AZIN2: variants seen among roughly 807,000 people sequenced by gnomAD.
AZIN2 encodes the protein ODC antizyme inhibitor-2.
Under a neutral mutation model 47.8 loss-of-function variants are expected in AZIN2, and 28 were observed. The observed-to-expected ratio is 0.59, with a 90% CI of 0.43 to 0.80. The LOEUF (loss-of-function observed/expected upper bound fraction) is 0.80, where lower values mean the gene tolerates loss of function less well. Among genes scored for constraint, AZIN2 ranks in the 30% least tolerant of loss-of-function variants. AZIN2 has a pLI of 0.00. For missense variants in AZIN2, 535 were observed against 582.5 expected (o/e 0.92, Z 0.84); for synonymous variants, 221 against 239.4 (o/e 0.92, Z 0.71).
chr1:33,125,704 T>C (rs1644851545), downstream of AZIN2, among the ~76,000 whole-genome samples: 1 of 152,194 alleles, frequency 6.6e-6, no homozygotes, highest in Non-Finnish European at 1.5e-5. Context: ...CTTAGAAAGC[T>C]ATCATATTGG....
At chr1:33,128,347 A>G (rs541883636), downstream of AZIN2, among the ~76,000 whole-genome samples, 220 of 152,306 alleles carry the variant, frequency 1.4e-3, no homozygotes, top group Non-Finnish European at 2.6e-3. Context: ...ACTGCACTCC[A>G]GTTTGGGCAA....
At chr1:33,141,679 AG>A in the AZIN2 span, among the ~76,000 whole-genome samples, 33 of 152,170 alleles carry the variant, frequency 2.2e-4, no homozygotes, top group African/African-American at 7.2e-4. Context: ...ATTTCAAGGG[AG>A]GGGGGAGCAT....
chr1:33,161,499 T>C, the AZIN2 span, among the ~76,000 whole-genome samples: 3 of 152,074 alleles, frequency 2.0e-5, no homozygotes, highest in Admixed American at 6.5e-5. The surrounding 1 kb of genome is among the most constrained non-coding windows in gnomAD (Gnocchi z 4.3). Context: ...GCCTGTTCCC[T>C]CCCCGACGCG....
At chr1:33,155,110 C>T in the AZIN2 span, among the ~76,000 whole-genome samples, 90 of 143,724 alleles carry the variant, frequency 6.3e-4, no homozygotes, top group African/African-American at 2.1e-3. Context: ...CTCGCTCTGT[C>T]GCCCAGGCTG....
the AZIN2 span, among the ~76,000 whole-genome samples, chr1:33,157,658 T>C: frequency 6.6e-6 from 1 of 152,234 alleles, no homozygotes; most frequent in Non-Finnish European, 1.5e-5. Flanking sequence ...TGAACTCTTA[T>C]GTACCCTGTT....
chr1:33,086,733 C>T (rs1449186780), intron 5 of AZIN2, among the ~76,000 whole-genome samples: 1 of 152,220 alleles, frequency 6.6e-6, no homozygotes, highest in African/African-American at 2.4e-5. Flanking sequence ...CTCTCCTGTC[C>T]CAATCGCTTG....
At chr1:33,139,772 G>C in the AZIN2 span, among the ~76,000 whole-genome samples, 3 of 152,194 alleles carry the variant, frequency 2.0e-5, no homozygotes, top group African/African-American at 7.2e-5. Flanking sequence ...GCTGAGTGCT[G>C]AGGATGGGGG....
At chr1:33,119,328 TTGGAAAGATGAATC>T (rs1644709743) in intron 11 of AZIN2, 1 of 153,452 alleles carries the variant, frequency 6.5e-6, no homozygotes, top group African/African-American at 2.4e-5. Flanking sequence ...GATTTGTTTT[TTGGAAAGATGAATC>T]TGGGTCCTGG....
the AZIN2 span, among the ~76,000 whole-genome samples, chr1:33,149,504 G>A: frequency 6.6e-6 from 1 of 152,090 alleles, no homozygotes; most frequent in African/African-American, 2.4e-5. Flanking sequence ...ACCCAGGCTG[G>A]AGTGCAGTAG....
At chr1:33,100,867 C>T (rs894069103) in intron 10 of AZIN2, among the ~76,000 whole-genome samples, 3 of 151,808 alleles carry the variant, frequency 2.0e-5, no homozygotes, top group Non-Finnish European at 4.4e-5. Context: ...CTCTCTCTCT[C>T]TCTTTTTTTT....
the AZIN2 span, among the ~76,000 whole-genome samples, chr1:33,161,494 T>C: frequency 6.6e-6 from 1 of 152,120 alleles, no homozygotes; most frequent in South Asian, 2.1e-4. This position sits in a 1 kb window ranked among gnomAD's most constrained non-coding sequence, Gnocchi z 4.3. Context: ...TTAGGGCCTG[T>C]TCCCTCCCCG....
the AZIN2 span, among the ~76,000 whole-genome samples, chr1:33,149,148 T>C: frequency 6.6e-6 from 1 of 152,178 alleles, no homozygotes; most frequent in Non-Finnish European, 1.5e-5. Context: ...CTTTTGCCTC[T>C]TCTTTTTCTT....
chr1:33,131,339 G>A, the AZIN2 span, among the ~76,000 whole-genome samples: 1 of 152,170 alleles, frequency 6.6e-6, no homozygotes, highest in Non-Finnish European at 1.5e-5. Flanking sequence ...TCATAACTTG[G>A]TTGCAGAGAA....
At chr1:33,096,564 T>A in intron 8 of AZIN2, 143 bp from the exon 9 acceptor site, 1 of 996,236 alleles carries the variant, frequency 1.0e-6, no homozygotes, top group Non-Finnish European at 1.5e-6. Context: ...TCCACAGTTA[T>A]CAGCTGGGGC....
At chr1:33,119,920 G>GC (rs1175664178) in intron 11 of AZIN2, 124 bp from the exon 12 acceptor site, 12 of 1,361,494 alleles carry the variant, frequency 8.8e-6, no homozygotes, top group Non-Finnish European at 1.1e-5. Flanking sequence ...GCCTGTCCCT[G>GC]CCCCTGCCCT....
Position 33,081,756 on chromosome 1 carries a change from C to G in AZIN2, c.-129C>G, listed in dbSNP as rs1641280698. 1 of 216,882 alleles carries G rather than the reference C, an allele frequency of 4.6e-6. No homozygotes were observed. The highest frequency in any genetic ancestry group is 5.3e-5 in the Admixed American group (1 of 18,972). The allele number at this position is 216,882 out of a possible 1,614,324, so 13.4% of individuals were successfully genotyped here. On this transcript the variant is annotated 5_prime_UTR_variant, in exon 3 of 12. Coordinates refer to ENST00000294517, the MANE Select transcript of AZIN2 (RefSeq NM_052998.4). This position sits in a 1 kb window ranked among gnomAD's most constrained non-coding sequence, Gnocchi z 4.2. ...TCAAGCAGTAGAGAGCGGACTCGAA[C>G]TTAAGCTCTTGCTCTTAGGCTGAGA...
At chr1:33,147,211 A>C in the AZIN2 span, 3 of 1,613,840 alleles carry the variant, frequency 1.9e-6, no homozygotes, top group South Asian at 1.1e-5. The surrounding 1 kb of genome is among the most constrained non-coding windows in gnomAD (Gnocchi z 8.1). Flanking sequence ...CAGCGGCTGA[A>C]CGTTCTTGCC....
chr1:33,135,114 C>A, the AZIN2 span, among the ~76,000 whole-genome samples: 2 of 152,102 alleles, frequency 1.3e-5, 1 homozygote, highest in South Asian at 4.1e-4. Flanking sequence ...GGTGAAACCC[C>A]GTCTCTACTA....
chr1:33,122,800 G>A lies in AZIN2; in HGVS notation c.*2618G>A, dbSNP rs575058572. ...CTGTGCCTCCTGAAGCCCCTCCTGC[G>A]CGCACACTCACTCTCTCTCATTCTC... is the stretch of plus-strand genomic sequence containing the variant. On this transcript the variant is annotated 3_prime_UTR_variant, in exon 12 of 12. Transcript: ENST00000294517. Among the ~76,000 whole-genome samples the A allele has an allele frequency of 1.3e-5, 2 of 152,156 alleles. No individual in the cohort carries two copies. Among genetic ancestry groups the A allele is most frequent in the East Asian group, 1.9e-4 (1 of 5,176 alleles).
Sources: gnomAD v4.1 joint callset for allele counts (sites outside exome capture counted in the v4.1 genomes callset) on GRCh38, gnomAD v4.1.1 for gene constraint, Gnocchi (gnomAD v3.1) non-coding constraint, MANE v1.5 for transcripts, NCBI Gene and HGNC (gene_info 2026-07-23, HGNC 2026-07-21) for gene names.